Variants in COL24A1 observed in about 807,000 individuals in gnomAD.
The protein encoded by COL24A1 is collagen alpha-1(XXIV) chain.
A neutral mutation model predicts 253.9 loss-of-function variants in COL24A1; 224 were observed. The observed-to-expected ratio is 0.88, with a 90% CI of 0.79 to 0.99. COL24A1 has a LOEUF of 0.99. Among genes scored for constraint, COL24A1 ranks in the 50% least tolerant of loss-of-function variants. COL24A1 has a pLI of 0.00. For missense variants in COL24A1, 2,131 were observed against 2,068.5 expected, an observed-to-expected ratio of 1.03 and a Z score of -0.59; for synonymous variants, 685 against 673.7, an observed-to-expected ratio of 1.02 and a Z score of -0.26.
At position 86,063,592 on chromosome 1, in the gene COL24A1, A is replaced by C. The variant is rs937785487; in HGVS notation, c.1752+123T>G. The C allele has an allele frequency of 7.3e-6, 4 of 545,848 alleles. No individual in the cohort carries two copies. The African/African-American group carries it at 7.7e-5, about 11-fold the overall frequency. The allele number at this position is 545,848 out of a possible 1,614,324, so 33.8% of individuals were successfully genotyped here. On this transcript the variant is annotated intron_variant, in intron 8 of 59. Transcript: ENST00000370571. ...ATCAATTAAAAGGTTGTCCTGCACTAAACAGAGTAAAAAATCACTGAGAAG... is the reference window on the plus strand; with the variant it reads ...ATCAATTAAAAGGTTGTCCTGCACTCAACAGAGTAAAAAATCACTGAGAAG...
intron 24 of COL24A1, among the ~76,000 whole-genome samples, chr1:85,921,727 A>G (rs928419704): frequency 2.6e-5 from 4 of 152,240 alleles, no homozygotes. Context: ...ACCAGAGCAG[A>G]AAAGCTAAAA....
chr1:86,045,846 GA>G (rs2101640796), intron 12 of COL24A1: 1 of 440,518 alleles, frequency 2.3e-6, no homozygotes, highest in African/African-American at 2.0e-5. Flanking sequence ...ATTTTGGCCA[GA>G]CGTCATGAAG....
At chr1:85,742,506 G>A (rs1444545551) in intron 57 of COL24A1, among the ~76,000 whole-genome samples, 1 of 152,074 alleles carries the variant, frequency 6.6e-6, no homozygotes, top group Non-Finnish European at 1.5e-5. Context: ...CCAATTAAAT[G>A]TAAATGATTT....
intron 55 of COL24A1, among the ~76,000 whole-genome samples, chr1:85,760,057 TG>T (rs1354044391): frequency 7.3e-5 from 1 of 13,656 alleles, no homozygotes; most frequent in East Asian, 1.9e-3. Context: ...AGAAAGACAT[TG>T]TTTTTTTTTT....
At chr1:85,969,217 T>A (rs933794289) in intron 22 of COL24A1, among the ~76,000 whole-genome samples, 1 of 152,150 alleles carries the variant, frequency 6.6e-6, no homozygotes, top group Non-Finnish European at 1.5e-5. Context: ...AAACTCTTTT[T>A]TTTCCCCCAA....
chr1:86,146,030 C>T, intron 2 of COL24A1, 89 bp downstream of exon 2: 1 of 1,047,880 alleles, frequency 9.5e-7, no homozygotes, highest in Non-Finnish European at 1.4e-6. Flanking sequence ...GTTGAATTTA[C>T]AGTTATAATG....
intron 2 of COL24A1, among the ~76,000 whole-genome samples, chr1:86,138,514 G>C (rs1650587571): frequency 6.6e-6 from 1 of 152,080 alleles, no homozygotes; most frequent in South Asian, 2.1e-4. Flanking sequence ...ATAGTGAATG[G>C]GTTTCACTAG....
intron 43 of COL24A1, among the ~76,000 whole-genome samples, chr1:85,825,290 A>T (rs1395808256): frequency 6.6e-6 from 1 of 152,118 alleles, no homozygotes; most frequent in Non-Finnish European, 1.5e-5. Context: ...TCCATGGTGT[A>T]TATGAGCCAC....
intron 55 of COL24A1, among the ~76,000 whole-genome samples, chr1:85,757,670 G>T (rs143588836): frequency 1.3e-5 from 2 of 152,058 alleles, no homozygotes; most frequent in African/African-American, 4.8e-5. Context: ...AATCCCCAAG[G>T]TATTCACAAA....
At chr1:85,738,381 G>T (rs1329504566) in intron 57 of COL24A1, among the ~76,000 whole-genome samples, 1 of 152,000 alleles carries the variant, frequency 6.6e-6, no homozygotes. Flanking sequence ...TACTCTTTCA[G>T]ATTTTCCCAC....
intron 35 of COL24A1, among the ~76,000 whole-genome samples, chr1:85,872,702 G>T (rs2102566977): frequency 6.6e-6 from 1 of 152,282 alleles, no homozygotes; most frequent in South Asian, 2.1e-4. Context: ...ATGGATTAAA[G>T]ACTTAAATGT....
chr1:85,809,448 G>T (rs917982806), intron 47 of COL24A1, among the ~76,000 whole-genome samples: 6 of 152,166 alleles, frequency 3.9e-5, no homozygotes, highest in Non-Finnish European at 7.4e-5. Context: ...AGGACAACTT[G>T]GAGGTCAGAA....
intron 55 of COL24A1, among the ~76,000 whole-genome samples, chr1:85,755,456 A>T (rs1666132284): frequency 6.6e-6 from 1 of 152,236 alleles, no homozygotes; most frequent in Admixed American, 6.5e-5. Flanking sequence ...TGTTAGAGGC[A>T]TCATGTTTCC....
At chr1:85,837,428 T>C (rs1676123260) in intron 43 of COL24A1, among the ~76,000 whole-genome samples, 1 of 152,230 alleles carries the variant, frequency 6.6e-6, no homozygotes, top group Non-Finnish European at 1.5e-5. Context: ...TCCATTTAGT[T>C]TGGGTAATAT....
chr1:85,813,817 C>T (rs904607461), intron 47 of COL24A1, among the ~76,000 whole-genome samples: 3 of 152,024 alleles, frequency 2.0e-5, no homozygotes, highest in African/African-American at 7.2e-5. Flanking sequence ...TCCCAAAGTG[C>T]TGGGATTACA....
intron 1 of COL24A1, chr1:86,155,445 G>A (rs1193325054): frequency 6.5e-6 from 1 of 153,044 alleles, no homozygotes; most frequent in East Asian, 1.9e-4. Context: ...CACCCTTCTC[G>A]CCCAGGGGCC....
At chr1:85,765,493 G>C (rs1236011423) in intron 53 of COL24A1, among the ~76,000 whole-genome samples, 1 of 151,194 alleles carries the variant, frequency 6.6e-6, no homozygotes, top group African/African-American at 2.4e-5. Context: ...ATCACGTGGG[G>C]CCAGGGTTCG....
intron 7 of COL24A1, among the ~76,000 whole-genome samples, chr1:86,087,080 T>G (rs1431182077): frequency 2.0e-5 from 3 of 152,208 alleles, no homozygotes; most frequent in Non-Finnish European, 4.4e-5. Flanking sequence ...AAGAAGATCC[T>G]GCAATAGCTC....
chr1:86,034,000 G>T, intron 12 of COL24A1, 77 bp from the exon 13 acceptor site: 1 of 1,130,686 alleles, frequency 8.8e-7, no homozygotes, highest in Non-Finnish European at 1.2e-6. Flanking sequence ...AAAGAATTTA[G>T]TAATAGAAAA....
Sources: allele counts gnomAD v4.1 joint callset (sites outside exome capture counted in the v4.1 genomes callset), GRCh38; gene constraint gnomAD v4.1.1; transcripts MANE v1.5; gene names NCBI Gene and HGNC (gene_info 2026-07-23, HGNC 2026-07-21).